USH2A: variants seen among roughly 807,000 people sequenced by gnomAD.
USH2A encodes the protein Usher syndrome 2A (autosomal recessive, mild).
In USH2A, 443 loss-of-function variants were observed where a neutral mutation model predicts 538.9. That is an observed-to-expected ratio of 0.82 (90% CI 0.76 to 0.89). USH2A has a LOEUF of 0.89. Among genes scored for constraint, USH2A ranks in the 40% least tolerant of loss-of-function variants. The pLI, the probability that USH2A is intolerant of heterozygous loss-of-function variation, is 0.00. For missense variants in USH2A, 6,633 were observed against 6,324.8 expected (o/e 1.05, Z -1.65); for synonymous variants, 2,413 against 2,273.5 (o/e 1.06, Z -1.75).
rs116275671 is a variant in USH2A at position 215,935,536 on chromosome 1, C to A, written c.7121-741G>T. Among the ~76,000 whole-genome samples the A allele has an allele frequency of 9.8e-3, 1,496 of 152,044 alleles. 21 individuals are homozygous for A. The highest frequency in any genetic ancestry group is 0.035 in the African/African-American group (1,444 of 41,518). ...CCCTGGTCCCAACACCACTGTCCTT[C>A]CAAAGCTTTAGCAAACCCATTCTTA... On this transcript the variant is annotated intron_variant, in intron 37 of 71. Transcript: ENST00000307340.
intron 21 of USH2A, among the ~76,000 whole-genome samples, chr1:216,112,221 C>T (rs1284059639): frequency 6.6e-6 from 1 of 152,032 alleles, no homozygotes; most frequent in Non-Finnish European, 1.5e-5. Context: ...GTTGTGTTAT[C>T]TTATTATTTA....
At chr1:216,288,933 T>A (rs2036941800) in intron 11 of USH2A, among the ~76,000 whole-genome samples, 1 of 152,190 alleles carries the variant, frequency 6.6e-6, no homozygotes, top group Non-Finnish European at 1.5e-5. Flanking sequence ...TTCTATGGAA[T>A]TTTTGGAGAA....
intron 3 of USH2A, among the ~76,000 whole-genome samples, chr1:216,413,900 A>G (rs894215148): frequency 6.6e-5 from 10 of 152,174 alleles, no homozygotes; most frequent in Non-Finnish European, 1.3e-4. Context: ...GGGCTATAAA[A>G]TGTGTGGAAC....
chr1:216,274,187 C>T (rs1018405298), intron 11 of USH2A, among the ~76,000 whole-genome samples: 3 of 152,012 alleles, frequency 2.0e-5, no homozygotes, highest in Non-Finnish European at 4.4e-5. Flanking sequence ...TGCATCTCAT[C>T]AAATTGTTGG....
chr1:215,711,650 A>G (rs759544604), intron 61 of USH2A, among the ~76,000 whole-genome samples: 39 of 152,104 alleles, frequency 2.6e-4, no homozygotes, highest in African/African-American at 9.2e-4. Context: ...CTTGCTAAGA[A>G]TTCTTATTAG....
intron 38 of USH2A, among the ~76,000 whole-genome samples, chr1:215,925,576 C>T (rs1012510638): frequency 5.3e-5 from 8 of 152,296 alleles, no homozygotes; most frequent in African/African-American, 1.9e-4. Flanking sequence ...TGCTATTCCT[C>T]ACCATCCTGT....
intron 38 of USH2A, among the ~76,000 whole-genome samples, chr1:215,905,403 T>C (rs1344708794): frequency 6.6e-6 from 1 of 152,032 alleles, no homozygotes; most frequent in Non-Finnish European, 1.5e-5. Context: ...TTCAATTCTA[T>C]AATACAAGAC....
chr1:216,250,838 C>T (rs1571622535), intron 12 of USH2A, 65 bp downstream of exon 12: 1 of 1,558,002 alleles, frequency 6.4e-7, no homozygotes, highest in East Asian at 2.3e-5. Context: ...GTTAAGAAAT[C>T]AAATAGAGAA....
chr1:216,132,079 T>A (rs1032528258), intron 21 of USH2A, among the ~76,000 whole-genome samples: 2 of 152,064 alleles, frequency 1.3e-5, no homozygotes, highest in African/African-American at 4.8e-5. Context: ...CCACTCTACA[T>A]ACAACCTCTC....
intron 34 of USH2A, among the ~76,000 whole-genome samples, chr1:215,993,509 A>AACACACACACACACACACACACACACAC: frequency 6.8e-6 from 1 of 146,454 alleles, no homozygotes; most frequent in African/African-American, 2.5e-5. Flanking sequence ...GAGTGAATTA[A>AACACACACACACACACACACACACACAC]ACACACACAC....
chr1:215,733,645 A>G (rs1382381845), intron 60 of USH2A, among the ~76,000 whole-genome samples: 1 of 152,250 alleles, frequency 6.6e-6, no homozygotes, highest in Non-Finnish European at 1.5e-5. Flanking sequence ...GGATATAGGT[A>G]TTGGGTAAAC....
intron 38 of USH2A, among the ~76,000 whole-genome samples, chr1:215,933,105 A>G (rs994939345): frequency 2.6e-5 from 4 of 151,980 alleles, no homozygotes; most frequent in African/African-American, 9.7e-5. Context: ...TAAAATAAAC[A>G]CGCTTATTAA....
At chr1:216,200,930 C>A in intron 16 of USH2A, among the ~76,000 whole-genome samples, 1 of 150,330 alleles carries the variant, frequency 6.7e-6, no homozygotes, top group Non-Finnish European at 1.5e-5. Context: ...ATATGAAGGT[C>A]CCAGCATATT....
intron 47 of USH2A, among the ~76,000 whole-genome samples, chr1:215,831,755 C>T (rs1663324629): frequency 6.6e-6 from 1 of 151,886 alleles, no homozygotes; most frequent in African/African-American, 2.4e-5. Context: ...AAGTTTTCAT[C>T]TTTAAGAAAC....
chr1:215,700,961 C>G (rs989922538), intron 61 of USH2A, among the ~76,000 whole-genome samples: 5 of 152,160 alleles, frequency 3.3e-5, no homozygotes, highest in African/African-American at 1.2e-4. Flanking sequence ...ATAAATTTCC[C>G]TCTAAACACT....
chr1:215,863,922 G>A (rs879879971), intron 44 of USH2A, among the ~76,000 whole-genome samples: 24 of 152,140 alleles, frequency 1.6e-4, no homozygotes, highest in Admixed American at 4.6e-4. Flanking sequence ...GAAGGTTGGG[G>A]TGAGCTCTTG....
intron 61 of USH2A, among the ~76,000 whole-genome samples, chr1:215,699,342 C>T (rs1448516360): frequency 6.6e-6 from 1 of 152,100 alleles, no homozygotes; most frequent in Admixed American, 6.5e-5. Flanking sequence ...GTAATTTTTA[C>T]TAATTTCATG....
At chr1:215,808,459 T>C (rs985448487) in intron 49 of USH2A, among the ~76,000 whole-genome samples, 1 of 152,116 alleles carries the variant, frequency 6.6e-6, no homozygotes, top group Non-Finnish European at 1.5e-5. Flanking sequence ...TTAAAAATAT[T>C]ATTCAGGACC....
At chr1:215,697,533 T>TG (rs1194704706) in intron 61 of USH2A, among the ~76,000 whole-genome samples, 1 of 151,850 alleles carries the variant, frequency 6.6e-6, no homozygotes, top group Non-Finnish European at 1.5e-5. Flanking sequence ...TTATATTTTT[T>TG]TTGTTGAGAT....
Sources: gnomAD v4.1 joint callset for allele counts (sites outside exome capture counted in the v4.1 genomes callset) on GRCh38, gnomAD v4.1.1 for gene constraint, MANE v1.5 for transcripts, NCBI Gene and HGNC (gene_info 2026-07-23, HGNC 2026-07-21) for gene names.